DNAH3: variants seen among roughly 807,000 people sequenced by gnomAD.
DNAH3 encodes the protein axonemal beta dynein heavy chain 3.
In DNAH3, 332 loss-of-function variants were observed where a neutral mutation model predicts 432.5. The observed-to-expected ratio is 0.77, with a 90% CI of 0.70 to 0.84. DNAH3 has a LOEUF of 0.84. DNAH3 is among the 40% of genes least tolerant of loss of function. The pLI, the probability that DNAH3 is intolerant of heterozygous loss-of-function variation, is 0.00. For missense variants in DNAH3, 4,861 were observed against 5,114.0 expected (o/e 0.95, Z 1.51); for synonymous variants, 1,956 against 1,900.2 (o/e 1.03, Z -0.76).
At chr16:21,094,914 G>C (rs371574441) in intron 18 of DNAH3, among the ~76,000 whole-genome samples, 7 of 152,078 alleles carry the variant, frequency 4.6e-5, no homozygotes, top group Non-Finnish European at 1.0e-4. Context: ...CTTGCCTGCC[G>C]CCATGTAAGA....
At chr16:21,017,784 G>C (rs1460799064) in intron 41 of DNAH3, among the ~76,000 whole-genome samples, 2 of 152,140 alleles carry the variant, frequency 1.3e-5, no homozygotes, top group Non-Finnish European at 2.9e-5. Context: ...TGCAGAGAAA[G>C]AGTATGTGGC....
Position 21,134,326 on chromosome 16 carries a change from A to G in DNAH3, c.1015T>C (p.Trp339Arg). Residue 339 changes from tryptophan to arginine, a missense_variant, in exon 7 of 62, where the codon TGG (tryptophan) becomes CGG (arginine). Transcript: ENST00000261383. Reference sequence around the variant, plus strand: ...ACCGTGTGCAGATGCTCCTCGTTCCACTTCTTGGCGCTCCTGTAGACACTG... The same window carrying G: ...ACCGTGTGCAGATGCTCCTCGTTCCGCTTCTTGGCGCTCCTGTAGACACTG... 3.1e-6 allele frequency: 5 copies of G among 1,613,986 alleles called. No individual in the cohort carries two copies. The South Asian group carries it at 4.4e-5, about 14-fold the overall frequency.
intron 56 of DNAH3, among the ~76,000 whole-genome samples, chr16:20,949,921 G>A (rs942520491): frequency 3.9e-5 from 6 of 152,144 alleles, no homozygotes; most frequent in Non-Finnish European, 7.4e-5. Flanking sequence ...ATATCCCAGG[G>A]CAATCATGCA....
At chr16:20,963,847 A>T in exon 53 of DNAH3, 1 of 1,614,088 alleles carries the variant, frequency 6.2e-7, no homozygotes, top group Non-Finnish European at 8.5e-7. Context: ...GATGTACTTG[A>T]TGCGCAGATT....
At chr16:21,157,096 A>G (rs1290373094) in intron 1 of DNAH3, among the ~76,000 whole-genome samples, 1 of 152,098 alleles carries the variant, frequency 6.6e-6, no homozygotes, top group Non-Finnish European at 1.5e-5. Context: ...AAGATTGGCT[A>G]AAACTTAAGA....
At chr16:20,937,089 C>T (rs746139944) in intron 59 of DNAH3, among the ~76,000 whole-genome samples, 2 of 152,162 alleles carry the variant, frequency 1.3e-5, no homozygotes, top group African/African-American at 2.4e-5. Flanking sequence ...ATTATCTTTC[C>T]GTAATCTGTT....
At chr16:21,006,171 T>TA (rs1257853128) in intron 41 of DNAH3, among the ~76,000 whole-genome samples, 4 of 152,214 alleles carry the variant, frequency 2.6e-5, no homozygotes, top group Admixed American at 2.6e-4. Flanking sequence ...TCAAACCTTA[T>TA]TTCTAAGCAA....
chr16:21,109,126 A>G (rs2092012901), intron 14 of DNAH3, among the ~76,000 whole-genome samples: 1 of 151,424 alleles, frequency 6.6e-6, no homozygotes, highest in African/African-American at 2.4e-5. Flanking sequence ...CTGTCTCAAA[A>G]AAAAAAAAAA....
At chr16:21,033,709 A>G (rs973320917) in intron 36 of DNAH3, among the ~76,000 whole-genome samples, 2 of 152,112 alleles carry the variant, frequency 1.3e-5, no homozygotes, top group Admixed American at 1.3e-4. Flanking sequence ...TCACTGGGGG[A>G]CCTTTGGAGA....
intron 59 of DNAH3, among the ~76,000 whole-genome samples, chr16:20,937,161 T>C (rs1358827043): frequency 6.6e-6 from 1 of 152,190 alleles, no homozygotes; most frequent in Non-Finnish European, 1.5e-5. Flanking sequence ...TTGTCCTTTT[T>C]TTCTTTTTTT....
intron 5 of DNAH3, among the ~76,000 whole-genome samples, chr16:21,136,981 A>G (rs2092651931): frequency 6.6e-6 from 1 of 152,020 alleles, no homozygotes; most frequent in Non-Finnish European, 1.5e-5. Context: ...ACAAAATACA[A>G]AAATTAGCCG....
intron 1 of DNAH3, among the ~76,000 whole-genome samples, chr16:21,149,520 G>A (rs573609391): frequency 2.0e-4 from 31 of 152,290 alleles, no homozygotes; most frequent in Admixed American, 1.3e-3. Flanking sequence ...TCTTCATGGA[G>A]GCCATTCCCA....
intron 61 of DNAH3, 124 bp downstream of exon 61, chr16:20,935,224 C>T: frequency 8.8e-7 from 1 of 1,131,690 alleles, no homozygotes; most frequent in South Asian, 1.5e-5. Context: ...CTAAATGCTT[C>T]ATATGTACCA....
At chr16:21,156,813 A>G (rs1229290686) in intron 1 of DNAH3, among the ~76,000 whole-genome samples, 1 of 152,156 alleles carries the variant, frequency 6.6e-6, no homozygotes, top group African/African-American at 2.4e-5. Context: ...AGCATCTATC[A>G]CACAAAGACA....
intron 32 of DNAH3, among the ~76,000 whole-genome samples, chr16:21,041,731 C>T (rs2089451893): frequency 2.0e-5 from 3 of 152,144 alleles, no homozygotes; most frequent in African/African-American, 7.2e-5. Flanking sequence ...TGCAACGGCG[C>T]TATCTCCGGC....
At position 21,003,281 on chromosome 16, in the gene DNAH3, G is replaced by A. The variant is rs2087119221; in HGVS notation, c.6023-74C>T. ...TGCCTCCCATATTTGAGGATTTTAA[G>A]TCCCTCAGTTATCAGCATATGAAAA... On this transcript the variant is annotated intron_variant, in intron 41 of 61. Transcript: ENST00000261383. 4 of 962,514 alleles carry A rather than the reference G, an allele frequency of 4.2e-6. No individual in the cohort carries two copies. In the South Asian group the frequency reaches 4.3e-5, roughly 10 times the overall value. The allele number at this position is 962,514 out of a possible 1,614,324, so 59.6% of individuals were successfully genotyped here.
chr16:21,127,249 A>G (rs2092461725), intron 8 of DNAH3, among the ~76,000 whole-genome samples: 1 of 151,920 alleles, frequency 6.6e-6, no homozygotes, highest in Non-Finnish European at 1.5e-5. Flanking sequence ...AAGCAGCTGG[A>G]CATGAAAAAA....
At chr16:20,949,526 A>C (rs2084216889) in intron 56 of DNAH3, among the ~76,000 whole-genome samples, 1 of 152,176 alleles carries the variant, frequency 6.6e-6, no homozygotes. Flanking sequence ...GTATAGGATA[A>C]AAAATAGTAT....
rs532685210 is a variant in DNAH3, at chr16:21,062,498, T to G, written c.3704A>C (p.Tyr1235Ser). 3.7e-6 allele frequency: 6 copies of G among 1,614,124 alleles called. 1 individual carries two copies. In the South Asian group the frequency reaches 6.6e-5, roughly 18 times the overall value. The change falls in exon 25 of 62, where the codon TAC becomes TCC. Residue 1235 changes from tyrosine to serine, a missense_variant. Coordinates refer to ENST00000261383, the Ensembl canonical transcript of DNAH3. ...AGGAGTTACCTTGGCATTAGCTGGG[T>G]AGATTTTCTGTATGAATGGAACAGT...
Sources: gnomAD v4.1 joint callset for allele counts (sites outside exome capture counted in the v4.1 genomes callset) on GRCh38, gnomAD v4.1.1 for gene constraint, MANE v1.5 for transcripts, NCBI Gene and HGNC (gene_info 2026-07-23, HGNC 2026-07-21) for gene names.